MFAP1: variants seen among roughly 807,000 people sequenced by gnomAD.
MFAP1 encodes microfibrillar-associated protein 1.
In MFAP1, 18 loss-of-function variants were observed where a neutral mutation model predicts 62.2. The observed-to-expected ratio is 0.29, with a 90% CI of 0.20 to 0.43. MFAP1 has a LOEUF of 0.43. MFAP1 is among the 20% of genes least tolerant of loss of function. The pLI is 1.00. For synonymous variants in MFAP1, 175 were observed against 180.4 expected, an observed-to-expected ratio of 0.97 and a Z score of 0.24; for missense variants, 355 against 559.7, an observed-to-expected ratio of 0.63 and a Z score of 3.69.
At chr15:43,815,840 G>T (rs979895259) in intron 2 of MFAP1, among the ~76,000 whole-genome samples, 8 of 151,818 alleles carry the variant, frequency 5.3e-5, no homozygotes, top group Non-Finnish European at 1.0e-4. Context: ...CGCCATATTG[G>T]CCAGGCTAGT....
intron 2 of MFAP1, among the ~76,000 whole-genome samples, chr15:43,815,396 T>C (rs2087428013): frequency 2.0e-5 from 3 of 152,142 alleles, no homozygotes; most frequent in Admixed American, 2.0e-4. Flanking sequence ...CAGGCTGGTC[T>C]TGAACTCCTG....
intron 7 of MFAP1, among the ~76,000 whole-genome samples, chr15:43,808,421 C>T (rs1057197422): frequency 6.6e-6 from 1 of 152,114 alleles, no homozygotes; most frequent in African/African-American, 2.4e-5. Flanking sequence ...GGCTGAACTC[C>T]TGGGCTCAAC....
chr15:43,812,800 G>A (rs2087409965), intron 6 of MFAP1, among the ~76,000 whole-genome samples, 187 bp downstream of exon 6: 2 of 152,290 alleles, frequency 1.3e-5, no homozygotes, highest in South Asian at 2.1e-4. Context: ...TCGACAAAGT[G>A]TTTTTCTCTT....
chr15:43,822,915 T>A (rs1228246927), intron 1 of MFAP1, among the ~76,000 whole-genome samples: 4 of 151,932 alleles, frequency 2.6e-5, no homozygotes, highest in African/African-American at 9.7e-5. Flanking sequence ...CTCGGCTCAC[T>A]GCAACCTCTG....
At chr15:43,809,256 T>C (rs1483412325) in intron 7 of MFAP1, among the ~76,000 whole-genome samples, 1 of 151,528 alleles carries the variant, frequency 6.6e-6, no homozygotes. Flanking sequence ...GGTGGGAGGA[T>C]TGCTTGAGGC....
At chr15:43,813,702 G>T (rs1455979313) in intron 4 of MFAP1, among the ~76,000 whole-genome samples, 2 of 151,654 alleles carry the variant, frequency 1.3e-5, no homozygotes, top group Non-Finnish European at 2.9e-5. Flanking sequence ...AGTAGAGATG[G>T]GGTTTCACCA....
At chr15:43,821,690 G>A (rs770728173) in intron 1 of MFAP1, among the ~76,000 whole-genome samples, 77 of 152,034 alleles carry the variant, frequency 5.1e-4, no homozygotes, top group Non-Finnish European at 4.0e-4. Context: ...GATTAAAGAC[G>A]CAACTATGAA....
chr15:43,810,038 A>G (rs1415128555), intron 6 of MFAP1, 124 bp from the exon 7 acceptor site: 2 of 1,173,266 alleles, frequency 1.7e-6, no homozygotes, highest in African/African-American at 1.5e-5. Flanking sequence ...GTCATTGCCT[A>G]TTAGGAATCA....
intron 1 of MFAP1, 151 bp downstream of exon 1, chr15:43,824,340 T>C (rs1406932657): frequency 1.5e-6 from 1 of 682,596 alleles, no homozygotes. Flanking sequence ...CAAGATCGGA[T>C]GCAAGTGGGT....
intron 1 of MFAP1, among the ~76,000 whole-genome samples, chr15:43,821,375 T>C (rs1230302635): frequency 6.6e-6 from 1 of 152,032 alleles, no homozygotes; most frequent in African/African-American, 2.4e-5. Context: ...TCCAGGCTTA[T>C]TCCAAAATCA....
intron 1 of MFAP1, among the ~76,000 whole-genome samples, chr15:43,819,194 AAAAACAAAAC>A (rs916399319): frequency 1.3e-5 from 2 of 152,250 alleles, no homozygotes; most frequent in Non-Finnish European, 2.9e-5. Context: ...CTCTGTCTTT[AAAAACAAAAC>A]AAAACAAAAC....
At chr15:43,808,787 T>C (rs1428057184) in intron 7 of MFAP1, among the ~76,000 whole-genome samples, 1 of 152,258 alleles carries the variant, frequency 6.6e-6, no homozygotes, top group Non-Finnish European at 1.5e-5. Context: ...GGAATTTAGT[T>C]GCAGTGGGGA....
chr15:43,814,029 G>T (rs1319102677), intron 4 of MFAP1, among the ~76,000 whole-genome samples: 1 of 152,046 alleles, frequency 6.6e-6, no homozygotes, highest in Admixed American at 6.6e-5. Flanking sequence ...TGAGGAGGAC[G>T]GATCACCTGA....
intron 7 of MFAP1, among the ~76,000 whole-genome samples, chr15:43,805,726 C>T (rs565537763): frequency 6.6e-6 from 1 of 152,044 alleles, no homozygotes; most frequent in African/African-American, 2.4e-5. Flanking sequence ...AGTTCTCCTG[C>T]CTCAGCCTCC....
chr15:43,824,406 G>T, intron 1 of MFAP1, 85 bp downstream of exon 1: 3 of 1,339,120 alleles, frequency 2.2e-6, no homozygotes, highest in Non-Finnish European at 2.1e-6. Flanking sequence ...GGCGGGGTTG[G>T]AGTGGTCTGT....
At chr15:43,807,904 T>C (rs2087376008) in intron 7 of MFAP1, among the ~76,000 whole-genome samples, 1 of 152,208 alleles carries the variant, frequency 6.6e-6, no homozygotes, top group Non-Finnish European at 1.5e-5. Context: ...ATCCCAGCAC[T>C]TTGGGAGGCC....
intron 1 of MFAP1, among the ~76,000 whole-genome samples, chr15:43,821,431 A>T (rs546539221): frequency 4.6e-5 from 7 of 151,076 alleles, no homozygotes. Flanking sequence ...ATGCTGAAGA[A>T]GAATAAAGCT....
Position 43,823,266 on chromosome 15 carries a change from G to A in MFAP1, c.79+1225C>T, listed in dbSNP as rs532652722. On this transcript the variant is annotated intron_variant, in intron 1 of 8. Coordinates refer to ENST00000267812, the MANE Select transcript of MFAP1 (RefSeq NM_005926.3). ...CTCCCGAAGTGCTGAGATTACAGGT[G>A]TAAGCCACTGTGCTCCACAAATTCT... Among the ~76,000 whole-genome samples the A allele has an allele frequency of 1.7e-4, 26 of 151,998 alleles. No individual in the cohort carries two copies. In the South Asian group the frequency reaches 4.6e-3, roughly 27 times the overall value.
At chr15:43,810,301 A>T (rs1008026268) in intron 6 of MFAP1, among the ~76,000 whole-genome samples, 3 of 151,166 alleles carry the variant, frequency 2.0e-5, no homozygotes, top group African/African-American at 7.3e-5. Context: ...TATCATAATC[A>T]TATAGGTGCT....
Sources: gnomAD v4.1 joint callset for allele counts (sites outside exome capture counted in the v4.1 genomes callset) on GRCh38, gnomAD v4.1.1 for gene constraint, MANE v1.5 for transcripts, NCBI Gene and HGNC (gene_info 2026-07-23, HGNC 2026-07-21) for gene names.